Variants in DGKH observed in about 807,000 individuals in gnomAD.
DGKH encodes the protein diacylglycerol kinase eta, also known as DAG kinase eta.
In DGKH, 90 loss-of-function variants were observed where a neutral mutation model predicts 159.3. The ratio of observed to expected loss-of-function variants is 0.57; its 90% confidence interval spans 0.48 to 0.67. The LOEUF is 0.67. DGKH is among the 30% of genes least tolerant of loss of function. The probability of loss-of-function intolerance (pLI) is 0.00; values close to 1 mark genes in which losing one functional copy is unlikely to be tolerated. For missense variants in DGKH, 1,181 were observed against 1,506.1 expected (o/e 0.78, Z 3.57); for synonymous variants, 536 against 553.8 (o/e 0.97, Z 0.45).
Position 42,219,715 on chromosome 13 carries a change from C to G in DGKH, c.3363C>G (p.Asn1121Lys), listed in dbSNP as rs763416524. ...EEPPMDCTKR[N>K]NRSTVFRIVP... Reference sequence around the variant, plus strand: ...CTCCTATGGATTGCACCAAAAGGAACAACAGAAGCACCGTATTTCGAATAG... The same window carrying G: ...CTCCTATGGATTGCACCAAAAGGAAGAACAGAAGCACCGTATTTCGAATAG... Residue 1121 changes from asparagine (N) to lysine (K), a missense_variant, in exon 28 of 30, where the codon AAC becomes AAG. This residue lies in a region of DGKH where 335 missense variants were observed against 495.2 expected (regional missense o/e 0.68). Transcript: ENST00000337343. 5.0e-6 allele frequency: 8 copies of G among 1,613,350 alleles called. No homozygotes were observed. In the Admixed American group the frequency reaches 1.3e-4, roughly 27 times the overall value.
intron 1 of DGKH, chr13:42,070,654 T>G: frequency 6.2e-7 from 1 of 1,612,466 alleles, no homozygotes; most frequent in Non-Finnish European, 8.5e-7. Flanking sequence ...GTGCAGTACA[T>G]TTGCAGAGTG....
intron 1 of DGKH, among the ~76,000 whole-genome samples, chr13:42,085,386 T>C (rs1046757360): frequency 6.6e-6 from 1 of 152,106 alleles, no homozygotes. Flanking sequence ...AGAAATGCCA[T>C]GGTTCCATGG....
At chr13:42,053,590 A>ATATATG (rs1566076845) in intron 1 of DGKH, among the ~76,000 whole-genome samples, 2 of 74,946 alleles carry the variant, frequency 2.7e-5, no homozygotes, top group Non-Finnish European at 5.1e-5. Flanking sequence ...ATATATAACT[A>ATATATG]TATATATGTA....
chr13:42,159,142 A>G (rs1359799962), intron 5 of DGKH, 124 bp from the exon 6 acceptor site: 2 of 567,586 alleles, frequency 3.5e-6, no homozygotes, highest in Non-Finnish European at 3.0e-6. Context: ...TCTTTTAAAT[A>G]TATTTGTTTT....
chr13:42,214,187 T>TC (rs1315376962), intron 24 of DGKH, among the ~76,000 whole-genome samples: 1 of 152,236 alleles, frequency 6.6e-6, no homozygotes, highest in East Asian at 1.9e-4. Flanking sequence ...ATACTTGTGA[T>TC]CCCTCTCACT....
intron 29 of DGKH, among the ~76,000 whole-genome samples, chr13:42,251,510 C>T (rs758420009): frequency 5.9e-5 from 9 of 152,176 alleles, no homozygotes; most frequent in Non-Finnish European, 1.3e-4. Context: ...TTGGTATTAA[C>T]TGAAATCACT....
intron 1 of DGKH, among the ~76,000 whole-genome samples, chr13:42,065,022 A>T (rs560194946): frequency 7.2e-5 from 11 of 152,280 alleles, no homozygotes; most frequent in Admixed American, 2.0e-4. Flanking sequence ...TATTCTGAGG[A>T]TTAAGGAGAT....
At chr13:42,143,109 G>T (rs558107600) in intron 3 of DGKH, among the ~76,000 whole-genome samples, 12 of 64,672 alleles carry the variant, frequency 1.9e-4, no homozygotes, top group Middle Eastern at 6.5e-3. Context: ...TAGCATGAAG[G>T]GTTGTTGAAT....
chr13:42,201,868 A>G (rs931827305), intron 20 of DGKH, among the ~76,000 whole-genome samples: 7 of 152,230 alleles, frequency 4.6e-5, no homozygotes, highest in African/African-American at 1.7e-4. Context: ...ATGAACTTAT[A>G]TACAAGATAT....
At chr13:42,159,242 C>CTGTTTTTTTT in intron 5 of DGKH, 24 bp from the exon 6 acceptor site, 2 of 159,044 alleles carry the variant, frequency 1.3e-5, no homozygotes, top group Admixed American at 2.0e-4. Flanking sequence ...AAAGCAGTTG[C>CTGTTTTTTTT]TCTTTTTTTT....
At chr13:42,174,225 C>T in intron 12 of DGKH, 81 bp downstream of exon 12, 1 of 1,161,650 alleles carries the variant, frequency 8.6e-7, no homozygotes, top group Non-Finnish European at 1.3e-6. Flanking sequence ...AGAAAATGTA[C>T]TCCTAATATA....
intron 29 of DGKH, among the ~76,000 whole-genome samples, chr13:42,226,850 C>G (rs1461641759): frequency 1.6e-5 from 2 of 126,612 alleles, no homozygotes; most frequent in African/African-American, 2.8e-5. Flanking sequence ...GTATGAGACT[C>G]TGTCTCAAAA....
intron 1 of DGKH, among the ~76,000 whole-genome samples, chr13:42,092,735 GA>G (rs1166354441): frequency 1.3e-5 from 2 of 152,018 alleles, no homozygotes; most frequent in African/African-American, 2.4e-5. Context: ...AAGAACTTTA[GA>G]AAAAAATAAT....
At position 42,241,458 on chromosome 13, in the gene DGKH, A is replaced by G. The variant is rs1958512350; in HGVS notation, c.*12270A>G. 6.6e-6 allele frequency: 1 copy of G among 152,210 alleles called. No homozygotes were observed. The highest frequency in any genetic ancestry group is 2.4e-5 in the African/African-American group (1 of 41,448). The allele number at this position is 152,210 out of a possible 1,614,324, so 9.4% of individuals were successfully genotyped here. A position where few individuals can be genotyped will look rare whatever the true frequency, so the allele number is the denominator to read the frequency against. On this transcript the variant is annotated 3_prime_UTR_variant, in exon 30 of 30. Transcript: ENST00000337343. Reference sequence around the variant, plus strand: ...TTTTACATTTTTGTATCAGCCACCAATAATTTTGACTGTTTTGTCAAGTAC... The same window carrying G: ...TTTTACATTTTTGTATCAGCCACCAGTAATTTTGACTGTTTTGTCAAGTAC...
chr13:42,060,635 C>T (rs1882086250), intron 1 of DGKH, among the ~76,000 whole-genome samples: 1 of 152,172 alleles, frequency 6.6e-6, no homozygotes, highest in Non-Finnish European at 1.5e-5. Flanking sequence ...CATTTAGTGC[C>T]TGCTATGGCC....
chr13:42,045,308 G>T (rs1665129251), upstream of DGKH, among the ~76,000 whole-genome samples: 1 of 151,988 alleles, frequency 6.6e-6, no homozygotes, highest in South Asian at 2.1e-4. Context: ...GCAAGACTTT[G>T]TCTCTAAAAA....
In DGKH at chr13:42,236,361, T is replaced by C. The variant is rs892039303; in HGVS notation, c.*7173T>C. 4 of 151,946 alleles carry C rather than the reference T, an allele frequency of 2.6e-5. No individual in the cohort carries two copies. Among genetic ancestry groups the C allele is most frequent in the African/African-American group, 9.7e-5 (4 of 41,228 alleles). The allele number at this position is 151,946 out of a possible 1,614,324, so 9.4% of individuals were successfully genotyped here. A position where few individuals can be genotyped will look rare whatever the true frequency, so the allele number is the denominator to read the frequency against. ...ATTTTCCTTTTAAAAAACTGTATTC[T>C]TTACTGCAATAGATAGCGGAATAGT... On this transcript the variant is annotated 3_prime_UTR_variant, in exon 30 of 30. Coordinates refer to ENST00000337343, the MANE Select transcript of DGKH (RefSeq NM_178009.5).
chr13:42,128,302 T>C (rs2137842860), intron 2 of DGKH, among the ~76,000 whole-genome samples: 1 of 152,348 alleles, frequency 6.6e-6, no homozygotes, highest in African/African-American at 2.4e-5. Flanking sequence ...TAATTAATTA[T>C]TTTCATTTTT....
chr13:42,229,620 G>A lies in DGKH; in HGVS notation c.*432G>A, dbSNP rs1033667182. 21 of 155,002 alleles carry A rather than the reference G, an allele frequency of 1.4e-4. No homozygotes were observed. The highest frequency in any genetic ancestry group is 2.1e-4 in the Non-Finnish European group (15 of 70,114). The allele number at this position is 155,002 out of a possible 1,614,324, so 9.6% of individuals were successfully genotyped here. A position where few individuals can be genotyped will look rare whatever the true frequency, so the allele number is the denominator to read the frequency against. On this transcript the variant is annotated 3_prime_UTR_variant, in exon 30 of 30. Coordinates refer to ENST00000337343, the MANE Select transcript of DGKH (RefSeq NM_178009.5). ...ATTGGCCATTTTCTTAAAATCATAG[G>A]TTAGGAGACTAAAATATAAATTAAG...
Sources: gnomAD v4.1 joint callset for allele counts (sites outside exome capture counted in the v4.1 genomes callset) on GRCh38, gnomAD v4.1.1 for gene constraint, gnomAD v4.1.1 regional missense constraint, MANE v1.5 for transcripts, NCBI Gene and HGNC (gene_info 2026-07-23, HGNC 2026-07-21) for gene names.